GLG1: variants seen among roughly 807,000 people sequenced by gnomAD.
GLG1 encodes the protein Golgi apparatus protein 1.
In GLG1, 38 loss-of-function variants were observed where a neutral mutation model predicts 160.5. The observed-to-expected ratio is 0.24, with a 90% confidence interval of 0.18 to 0.31. The LOEUF is 0.31. GLG1 is among the 10% of genes least tolerant of loss of function. The pLI is 1.00. For missense variants in GLG1, 1,373 were observed against 1,505.2 expected (o/e 0.91, Z 1.45); for synonymous variants, 644 against 543.4 (o/e 1.19, Z -2.57).
intron 1 of GLG1, among the ~76,000 whole-genome samples, chr16:74,562,422 A>G (rs2018536316): frequency 6.6e-6 from 1 of 152,198 alleles, no homozygotes; most frequent in South Asian, 2.1e-4. Flanking sequence ...CCTTTAATGC[A>G]TTATACCAAA....
intron 9 of GLG1, among the ~76,000 whole-genome samples, chr16:74,484,955 C>G (rs2015739524): frequency 6.6e-6 from 1 of 151,964 alleles, no homozygotes; most frequent in South Asian, 2.1e-4. Context: ...GCTCTGTCAT[C>G]TGGGCTGGAG....
At chr16:74,477,982 A>G (rs1367540882) in intron 11 of GLG1, among the ~76,000 whole-genome samples, 6 of 146,446 alleles carry the variant, frequency 4.1e-5, no homozygotes, top group African/African-American at 1.6e-4. Context: ...TCAAAAAAAT[A>G]AATAAATAAA....
chr16:74,600,745 AAAAAAAAAAC>A (rs1567551046), intron 1 of GLG1, among the ~76,000 whole-genome samples: 6 of 145,300 alleles, frequency 4.1e-5, no homozygotes, highest in African/African-American at 7.4e-5. Context: ...AAAAAAAAAA[AAAAAAAAAAC>A]AAAAAAAAAC....
Position 74,595,803 on chromosome 16 carries a change from G to A in GLG1, c.438+10854C>T, listed in dbSNP as rs916469006. Among the ~76,000 whole-genome samples, 7 of 151,866 alleles carry A rather than the reference G, an allele frequency of 4.6e-5. 1 individual carries two copies. The highest frequency in any genetic ancestry group is 1.0e-4 in the Non-Finnish European group (7 of 67,996). Reference sequence around the variant, plus strand: ...AATTTATTATTTAACCCAATATATCGAAATTTTTTTTAAGACATAAACAAT... The same window carrying A: ...AATTTATTATTTAACCCAATATATCAAAATTTTTTTTAAGACATAAACAAT... On this transcript the variant is annotated intron_variant, in intron 1 of 25. Coordinates refer to ENST00000422840, the MANE Select transcript of GLG1 (RefSeq NM_001145667.2).
chr16:74,496,773 T>G (rs1009128125), intron 4 of GLG1, 129 bp from the exon 5 acceptor site: 1 of 651,658 alleles, frequency 1.5e-6, no homozygotes, highest in Non-Finnish European at 2.7e-6. Flanking sequence ...CATCATAGAG[T>G]TGACTTATTA....
At chr16:74,460,050 T>G (rs1252633867) in intron 22 of GLG1, among the ~76,000 whole-genome samples, 4 of 149,638 alleles carry the variant, frequency 2.7e-5, no homozygotes, top group African/African-American at 9.9e-5. Flanking sequence ...AGACAGAGTC[T>G]TGCTCTTGTT....
At chr16:74,585,289 G>A (rs1265871571) in intron 1 of GLG1, among the ~76,000 whole-genome samples, 1 of 152,030 alleles carries the variant, frequency 6.6e-6, no homozygotes, top group Non-Finnish European at 1.5e-5. Context: ...CACACCTGTA[G>A]TCCCAGCTAC....
intron 8 of GLG1, among the ~76,000 whole-genome samples, chr16:74,486,708 GTTCTA>G (rs2015795985): frequency 6.6e-6 from 1 of 152,112 alleles, no homozygotes; most frequent in African/African-American, 2.4e-5. Context: ...AAAGAACTGA[GTTCTA>G]TTAATAGTTC....
At chr16:74,517,485 G>A (rs2017014599) in intron 2 of GLG1, among the ~76,000 whole-genome samples, 1 of 152,130 alleles carries the variant, frequency 6.6e-6, no homozygotes, top group Admixed American at 6.6e-5. Flanking sequence ...AAAGGCCTTT[G>A]ACAAACTTCA....
chr16:74,568,105 G>T (rs1000648192), intron 1 of GLG1, among the ~76,000 whole-genome samples: 1 of 152,182 alleles, frequency 6.6e-6, no homozygotes, highest in South Asian at 2.1e-4. Context: ...GGAGGAACAG[G>T]AATAAAAGCT....
rs142128945 is a variant in GLG1 at position 74,505,785 on chromosome 16, G to C, written c.559-2039C>G. ...CAGGAGAATTGCTAGAACCCGGCAG[G>C]CGGAGGTTGCAGTGAGCTGAGATTG... On this transcript the variant is annotated intron_variant, in intron 3 of 25. Coordinates refer to ENST00000422840, the MANE Select transcript of GLG1 (RefSeq NM_001145667.2). 9.8e-3 allele frequency among the ~76,000 whole-genome samples: 1,485 copies of C among 152,280 alleles called. 23 individuals carry two copies. The highest frequency in any genetic ancestry group is 0.034 in the African/African-American group (1,398 of 41,548).
intron 1 of GLG1, among the ~76,000 whole-genome samples, chr16:74,571,847 C>A (rs545441126): frequency 9.9e-5 from 15 of 152,170 alleles, no homozygotes; most frequent in African/African-American, 3.4e-4. Context: ...GATTAGAAAA[C>A]AAAATGAAAG....
intron 1 of GLG1, among the ~76,000 whole-genome samples, chr16:74,601,143 T>C (rs761222147): frequency 6.6e-6 from 1 of 152,212 alleles, no homozygotes; most frequent in Non-Finnish European, 1.5e-5. Flanking sequence ...GTTTGAATTA[T>C]TCATTGTCAC....
rs2014361889 is a variant in GLG1 at position 74,452,612 on chromosome 16, A to C, written c.*555T>G. The C allele has an allele frequency of 2.0e-6, 2 of 1,001,498 alleles. No individual in the cohort carries two copies. The highest frequency in any genetic ancestry group is 3.5e-5 in the African/African-American group (2 of 57,784). 62.0% of individuals were successfully genotyped at this position (1,001,498 alleles called of 1,614,324 possible). ...ACGGCTGCCCACCCACGCCTCGGTG[A>C]AGACCACGGCCCTGGCGAGGCCCCA... is the stretch of plus-strand genomic sequence containing the variant. On this transcript the variant is annotated 3_prime_UTR_variant, in exon 26 of 26. Coordinates refer to ENST00000422840, the MANE Select transcript of GLG1 (RefSeq NM_001145667.2).
intron 1 of GLG1, among the ~76,000 whole-genome samples, chr16:74,590,529 G>A (rs1316963982): frequency 4.6e-5 from 7 of 151,316 alleles, no homozygotes; most frequent in Non-Finnish European, 1.0e-4. Flanking sequence ...GCTGAGGCAG[G>A]AGAATGGCGT....
intron 1 of GLG1, among the ~76,000 whole-genome samples, chr16:74,568,202 C>T (rs1336385205): frequency 6.6e-6 from 1 of 152,156 alleles, no homozygotes; most frequent in African/African-American, 2.4e-5. Context: ...TGCTAAGATG[C>T]CAAGTATCAA....
chr16:74,462,399 C>A lies in GLG1; in HGVS notation c.2934+89G>T, dbSNP rs953478216. On this transcript the variant is annotated intron_variant, in intron 21 of 25. Coordinates refer to ENST00000422840, the MANE Select transcript of GLG1 (RefSeq NM_001145667.2). ...AGATATGAAAAAGGTCTTGGGAAAA[C>A]GGGAGCAAGCTAGGGATTTCAAAAG... 2.4e-6 allele frequency: 3 copies of A among 1,268,314 alleles called. No individual in the cohort carries two copies. The Admixed American group carries it at 6.3e-5, about 27-fold the overall frequency. The allele number at this position is 1,268,314 out of a possible 1,614,324, so 78.6% of individuals were successfully genotyped here.
intron 2 of GLG1, among the ~76,000 whole-genome samples, chr16:74,524,099 C>A (rs2017258659): frequency 6.6e-6 from 1 of 152,054 alleles, no homozygotes; most frequent in African/African-American, 2.4e-5. Flanking sequence ...AATCCCAGCA[C>A]TCAGGTGGCT....
intron 1 of GLG1, among the ~76,000 whole-genome samples, chr16:74,597,317 G>A (rs531892587): frequency 6.6e-6 from 1 of 151,278 alleles, no homozygotes; most frequent in East Asian, 1.9e-4. Context: ...TATAGTCCCA[G>A]CTACTCAGGA....
Sources: allele counts gnomAD v4.1 joint callset (sites outside exome capture counted in the v4.1 genomes callset), GRCh38; gene constraint gnomAD v4.1.1; transcripts MANE v1.5; gene names NCBI Gene and HGNC (gene_info 2026-07-23, HGNC 2026-07-21).